Variants in ME1 observed in about 807,000 individuals in gnomAD.
ME1 encodes the protein malic enzyme 1.
ME1 carries 74 observed loss-of-function variants against 66.4 expected under a neutral mutation model. The observed-to-expected ratio is 1.11, with a 90% confidence interval of 0.92 to 1.35. The LOEUF is 1.35. Ranked by LOEUF, ME1 falls within the 40% of genes most tolerant of loss-of-function variation. ME1 has a pLI of 0.00. For synonymous variants in ME1, 251 were observed against 235.6 expected, an observed-to-expected ratio of 1.07 and a Z score of -0.60; for missense variants, 750 against 694.1, an observed-to-expected ratio of 1.08 and a Z score of -0.90.
At chr6:83,257,553 G>A (rs1446276729) in intron 6 of ME1, among the ~76,000 whole-genome samples, 2 of 152,000 alleles carry the variant, frequency 1.3e-5, no homozygotes, top group African/African-American at 2.4e-5. Flanking sequence ...TGGGATGGGG[G>A]GTCAATTCTG....
At chr6:83,341,067 G>T (rs553261794) in intron 5 of ME1, among the ~76,000 whole-genome samples, 23 of 152,088 alleles carry the variant, frequency 1.5e-4, no homozygotes, top group African/African-American at 5.3e-4. Flanking sequence ...CATGTGATCT[G>T]GGGTAGGGCA....
At chr6:83,354,439 GT>G (rs139640683) in intron 3 of ME1, among the ~76,000 whole-genome samples, 133 of 152,244 alleles carry the variant, frequency 8.7e-4, no homozygotes, top group African/African-American at 3.1e-3. Context: ...GCCTCTCGTG[GT>G]TTTAAATATC....
intron 12 of ME1, among the ~76,000 whole-genome samples, chr6:83,222,042 G>A (rs1285081595): frequency 1.3e-5 from 2 of 151,948 alleles, no homozygotes; most frequent in South Asian, 4.2e-4. Context: ...TTCTTGGAGA[G>A]TAAACTGAAA....
At position 83,420,109 on chromosome 6, in the gene ME1, C is replaced by T. The variant is rs4706176; in HGVS notation, c.78+10768G>A. On this transcript the variant is annotated intron_variant, in intron 1 of 13. Transcript: ENST00000369705. ...TTGAGACGGAGCCTTGCACTGTCAC[C>T]GAGGCTGGAGTGCAGTGGTGCGATC... Among the ~76,000 whole-genome samples the T allele has an allele frequency of 7.8e-3, 1,181 of 152,088 alleles. 37 individuals are homozygous for T. Among genetic ancestry groups the T allele is most frequent in the East Asian group, 0.07 (363 of 5,180 alleles).
intron 6 of ME1, among the ~76,000 whole-genome samples, chr6:83,279,826 G>T (rs1478790538): frequency 6.6e-6 from 1 of 152,108 alleles, no homozygotes. Flanking sequence ...CTACACATAG[G>T]CATATCAGAG....
chr6:83,396,863 T>C (rs1479237247), intron 3 of ME1, among the ~76,000 whole-genome samples: 4 of 152,102 alleles, frequency 2.6e-5, no homozygotes, highest in Non-Finnish European at 5.9e-5. Context: ...AGTCAACTGA[T>C]TTTTTACAAA....
Position 83,228,657 on chromosome 6 carries a change from C to T in ME1, c.1132+169G>A, listed in dbSNP as rs542783594. Among the ~76,000 whole-genome samples the T allele has an allele frequency of 2.0e-4, 30 of 152,170 alleles. No individual in the cohort carries two copies. In the South Asian group the frequency reaches 5.0e-3, roughly 25 times the overall value. ...TCATCTCAGATCAGTAAGAGAAAGACGACAGGACTAAAGTTAAAAATCTAG... is the reference window on the plus strand; with the variant it reads ...TCATCTCAGATCAGTAAGAGAAAGATGACAGGACTAAAGTTAAAAATCTAG... On this transcript the variant is annotated intron_variant, in intron 10 of 13. Coordinates refer to ENST00000369705, the MANE Select transcript of ME1 (RefSeq NM_002395.6).
At chr6:83,215,279 C>T (rs1414114986) in intron 13 of ME1, among the ~76,000 whole-genome samples, 2 of 152,016 alleles carry the variant, frequency 1.3e-5, no homozygotes, top group Non-Finnish European at 2.9e-5. Flanking sequence ...CAAGGGGATA[C>T]TTGACAATGT....
intron 2 of ME1, among the ~76,000 whole-genome samples, chr6:83,399,377 A>G (rs1769801604): frequency 6.6e-6 from 1 of 152,226 alleles, no homozygotes; most frequent in African/African-American, 2.4e-5. Flanking sequence ...CACTGCTGAA[A>G]TAGCACAGTT....
intron 3 of ME1, among the ~76,000 whole-genome samples, chr6:83,354,344 C>G (rs932124720): frequency 2.0e-5 from 3 of 152,112 alleles, no homozygotes; most frequent in African/African-American, 7.2e-5. Flanking sequence ...GTTGGCCAGG[C>G]TGGTCTTGAA....
intron 3 of ME1, among the ~76,000 whole-genome samples, chr6:83,395,473 A>G (rs922972603): frequency 6.7e-6 from 1 of 149,776 alleles, no homozygotes; most frequent in Non-Finnish European, 1.5e-5. Flanking sequence ...ATTATCTTAA[A>G]TCTTTTCTTT....
intron 4 of ME1, among the ~76,000 whole-genome samples, chr6:83,349,263 GA>G (rs928755207): frequency 1.3e-5 from 2 of 151,880 alleles, no homozygotes; most frequent in African/African-American, 4.8e-5. Flanking sequence ...TTCTCTCAAA[GA>G]AAAAAAGTTT....
chr6:83,280,406 T>G (rs1421774256), intron 6 of ME1, among the ~76,000 whole-genome samples: 1 of 152,196 alleles, frequency 6.6e-6, no homozygotes, highest in East Asian at 1.9e-4. Context: ...TACTATTATT[T>G]AAAAGTGGAT....
chr6:83,240,998 T>C (rs1005646544), intron 7 of ME1, among the ~76,000 whole-genome samples: 3 of 152,252 alleles, frequency 2.0e-5, no homozygotes, highest in African/African-American at 7.2e-5. Flanking sequence ...AGTCATATAT[T>C]ATGAAAAAGC....
intron 5 of ME1, 37 bp downstream of exon 5, chr6:83,346,136 A>C: frequency 7.0e-7 from 1 of 1,432,052 alleles, no homozygotes; most frequent in South Asian, 1.6e-5. Context: ...GCCATTTTTA[A>C]AGGTACATAG....
chr6:83,349,715 T>A (rs1005942852), intron 4 of ME1, among the ~76,000 whole-genome samples: 5 of 152,236 alleles, frequency 3.3e-5, no homozygotes, highest in African/African-American at 1.2e-4. Context: ...ATAATTTCCT[T>A]GTTAAATATG....
chr6:83,215,391 G>T lies in ME1; in HGVS notation c.1548+1107C>A, dbSNP rs538444670. Among the ~76,000 whole-genome samples the T allele has an allele frequency of 2.6e-5, 4 of 152,238 alleles. No homozygotes were observed. The South Asian group carries it at 8.3e-4, about 32-fold the overall frequency. On this transcript the variant is annotated intron_variant, in intron 13 of 13. Coordinates refer to ENST00000369705, the MANE Select transcript of ME1 (RefSeq NM_002395.6). ...AGATTGTACAATGCCTGGGACAGCCGCATGATGGTTATTGACCCAAAATGT... is the reference window on the plus strand; with the variant it reads ...AGATTGTACAATGCCTGGGACAGCCTCATGATGGTTATTGACCCAAAATGT...
At chr6:83,368,407 A>C (rs2128546929) in intron 3 of ME1, among the ~76,000 whole-genome samples, 1 of 152,208 alleles carries the variant, frequency 6.6e-6, no homozygotes, top group Admixed American at 6.5e-5. Flanking sequence ...AAGCACAATA[A>C]CATGAACAAA....
chr6:83,243,091 T>C (rs1341012040), intron 7 of ME1, among the ~76,000 whole-genome samples: 1 of 151,058 alleles, frequency 6.6e-6, no homozygotes, highest in Non-Finnish European at 1.5e-5. Flanking sequence ...TACCCATCTC[T>C]ACCCCCCAAA....
Sources: allele counts gnomAD v4.1 joint callset (sites outside exome capture counted in the v4.1 genomes callset), GRCh38; gene constraint gnomAD v4.1.1; transcripts MANE v1.5; gene names NCBI Gene and HGNC (gene_info 2026-07-23, HGNC 2026-07-21).